COLEC10: variants seen among roughly 807,000 people sequenced by gnomAD.
COLEC10 encodes collectin-10.
COLEC10 carries 22 observed loss-of-function variants against 28.4 expected under a neutral mutation model. The ratio of observed to expected loss-of-function variants is 0.78; its 90% CI spans 0.55 to 1.11. The LOEUF (loss-of-function observed/expected upper bound fraction) is 1.11. COLEC10 is among the 50% of genes least tolerant of loss of function. The pLI is 0.00. For synonymous variants in COLEC10, 125 were observed against 116.1 expected, an observed-to-expected ratio of 1.08 and a Z score of -0.49; for missense variants, 361 against 344.1, an observed-to-expected ratio of 1.05 and a Z score of -0.39.
intron 2 of COLEC10, among the ~76,000 whole-genome samples, chr8:119,038,961 A>G (rs1471400786): frequency 6.6e-6 from 1 of 152,128 alleles, no homozygotes; most frequent in East Asian, 1.9e-4. Flanking sequence ...GAATTACAAT[A>G]TGAATGACTA....
chr8:118,961,834 G>A, the COLEC10 span, among the ~76,000 whole-genome samples: 2 of 152,138 alleles, frequency 1.3e-5, no homozygotes, highest in African/African-American at 4.8e-5. Context: ...GATTTCAATG[G>A]GAATTTTGGT....
At chr8:119,095,096 ATAATC>A (rs1443649728) in intron 3 of COLEC10, among the ~76,000 whole-genome samples, 1 of 152,234 alleles carries the variant, frequency 6.6e-6, no homozygotes, top group East Asian at 1.9e-4. Context: ...CTAGTACAAA[ATAATC>A]TATAGATAAT....
At chr8:118,953,031 A>G in the COLEC10 span, among the ~76,000 whole-genome samples, 1 of 152,232 alleles carries the variant, frequency 6.6e-6, no homozygotes. Flanking sequence ...ATTCAAGGGA[A>G]GGAAGGTGAA....
intron 1 of COLEC10, among the ~76,000 whole-genome samples, chr8:119,006,044 C>T (rs1308387436): frequency 6.6e-6 from 1 of 152,060 alleles, no homozygotes; most frequent in Non-Finnish European, 1.5e-5. Context: ...CCTATGTGAA[C>T]ACTAAAACAT....
intron 1 of COLEC10, among the ~76,000 whole-genome samples, chr8:119,080,332 G>C (rs1336396388): frequency 6.6e-6 from 1 of 152,170 alleles, no homozygotes; most frequent in Non-Finnish European, 1.5e-5. Flanking sequence ...TAAGAAAATT[G>C]TGAGTTTTTG....
intron 2 of COLEC10, among the ~76,000 whole-genome samples, chr8:119,018,280 T>C (rs1814029615): frequency 6.6e-6 from 1 of 152,226 alleles, no homozygotes; most frequent in Non-Finnish European, 1.5e-5. Flanking sequence ...TCTAATCTGT[T>C]CTACTTCACT....
At chr8:118,969,145 A>G in the COLEC10 span, among the ~76,000 whole-genome samples, 1 of 152,084 alleles carries the variant, frequency 6.6e-6, no homozygotes, top group African/African-American at 2.4e-5. Flanking sequence ...GAGTTTGGAG[A>G]TATGGGGTCA....
chr8:119,091,595 G>GAGAGAGAGAGAA (rs1250359009), intron 3 of COLEC10, among the ~76,000 whole-genome samples: 119 of 138,544 alleles, frequency 8.6e-4, no homozygotes, highest in Admixed American at 3.7e-3. Context: ...GAGAGAGAGA[G>GAGAGAGAGAGAA]AGAAAGAAAG....
At chr8:118,997,241 C>A (rs993897906) in intron 1 of COLEC10, among the ~76,000 whole-genome samples, 2 of 152,022 alleles carry the variant, frequency 1.3e-5, no homozygotes, top group African/African-American at 4.8e-5. Context: ...CAAATATTTC[C>A]TACAATTACT....
intron 2 of COLEC10, among the ~76,000 whole-genome samples, chr8:119,033,148 C>T (rs1043048712): frequency 6.6e-6 from 1 of 152,106 alleles, no homozygotes; most frequent in Admixed American, 6.6e-5. Flanking sequence ...TGGGGCTGAA[C>T]GTAACAGCAC....
chr8:119,053,086 G>A (rs1054974235), intron 2 of COLEC10, among the ~76,000 whole-genome samples: 18 of 152,104 alleles, frequency 1.2e-4, no homozygotes, highest in Non-Finnish European at 2.2e-4. Context: ...TCAATTTTAA[G>A]TGGTTTGATT....
chr8:119,006,569 A>G (rs1228147690), intron 1 of COLEC10, among the ~76,000 whole-genome samples: 1 of 152,048 alleles, frequency 6.6e-6, no homozygotes, highest in East Asian at 1.9e-4. Context: ...GTATGGTCCC[A>G]ATAGCTGTTG....
intron 2 of COLEC10, among the ~76,000 whole-genome samples, chr8:119,056,188 C>A (rs1312545521): frequency 6.6e-6 from 1 of 151,974 alleles, no homozygotes; most frequent in Admixed American, 6.6e-5. Flanking sequence ...TTCTCTGTAA[C>A]CCCATTGTTG....
At chr8:119,018,313 T>G (rs1814030141) in intron 2 of COLEC10, among the ~76,000 whole-genome samples, 1 of 152,218 alleles carries the variant, frequency 6.6e-6, no homozygotes, top group Non-Finnish European at 1.5e-5. Context: ...TGTGTGTTCT[T>G]AAAGGTATTG....
the COLEC10 span, among the ~76,000 whole-genome samples, chr8:118,954,727 T>C: frequency 6.6e-6 from 1 of 152,226 alleles, no homozygotes. Flanking sequence ...AGATTTTGGA[T>C]TGACCCCCAG....
In COLEC10 at chr8:119,056,462, C is replaced by T. The variant is rs139094529; in HGVS notation, n.236-33218C>T. 5.9e-4 allele frequency among the ~76,000 whole-genome samples: 90 copies of T among 152,098 alleles called. 3 individuals carry two copies. The East Asian group carries it at 0.01, about 17-fold the overall frequency. On this transcript the variant is annotated intron_variant and non_coding_transcript_variant, in intron 2 of 6. Transcript: ENST00000521788. ...TTGATCCACAACCTTTCCCTTCATG[C>T]CTAGAATGTAGATGCAATGTCTGAA...
At chr8:118,987,963 T>C in the COLEC10 span, among the ~76,000 whole-genome samples, 1 of 152,078 alleles carries the variant, frequency 6.6e-6, no homozygotes, top group Non-Finnish European at 1.5e-5. Flanking sequence ...CTGAACAAAC[T>C]AAAAATCAAC....
intron 1 of COLEC10, among the ~76,000 whole-genome samples, chr8:119,076,584 A>G (rs1056078081): frequency 4.6e-5 from 7 of 152,196 alleles, no homozygotes; most frequent in Non-Finnish European, 8.8e-5. Context: ...CTTTAAACAG[A>G]TAACTCTTAT....
At chr8:119,034,688 G>A (rs1814356310) in intron 2 of COLEC10, among the ~76,000 whole-genome samples, 2 of 152,146 alleles carry the variant, frequency 1.3e-5, no homozygotes, top group South Asian at 4.2e-4. Context: ...CAGCCTGGGT[G>A]ACAGAGTGAG....
Sources: allele counts gnomAD v4.1 joint callset (sites outside exome capture counted in the v4.1 genomes callset), GRCh38; gene constraint gnomAD v4.1.1; transcripts MANE v1.5; gene names NCBI Gene and HGNC (gene_info 2026-07-23, HGNC 2026-07-21).